TSEN2: variants seen among roughly 807,000 people sequenced by gnomAD.
TSEN2 encodes the protein tRNA splicing endonuclease subunit 2.
TSEN2 carries 54 observed loss-of-function variants against 59.2 expected under a neutral mutation model. The ratio of observed to expected loss-of-function variants is 0.91; its 90% CI spans 0.73 to 1.14. The LOEUF is 1.14. Among genes scored for constraint, TSEN2 ranks in the 50% most tolerant of loss-of-function variants. The probability of loss-of-function intolerance (pLI) is 0.00; values close to 1 mark genes in which losing one functional copy is unlikely to be tolerated. For missense variants in TSEN2, 636 were observed against 576.2 expected (o/e 1.10, Z -1.06); for synonymous variants, 195 against 198.2 (o/e 0.98, Z 0.14).
At chr3:12,484,272 C>A (rs1391913368), upstream of TSEN2, among the ~76,000 whole-genome samples, 1 of 152,258 alleles carries the variant, frequency 6.6e-6, no homozygotes, top group East Asian at 1.9e-4. Context: ...ATCGTTCTGG[C>A]TTCCGTACAA....
At chr3:12,491,689 AG>A (rs2053226615) in intron 2 of TSEN2, among the ~76,000 whole-genome samples, 2 of 152,328 alleles carry the variant, frequency 1.3e-5, no homozygotes, top group African/African-American at 4.8e-5. Flanking sequence ...AGATAATCAG[AG>A]GGAAAATGTA....
At chr3:12,512,364 C>A (rs566067706) in intron 6 of TSEN2, among the ~76,000 whole-genome samples, 1 of 152,308 alleles carries the variant, frequency 6.6e-6, no homozygotes, top group East Asian at 1.9e-4. Context: ...AAAAACACTT[C>A]TTGGAAATTG....
upstream of TSEN2, among the ~76,000 whole-genome samples, chr3:12,483,996 G>A (rs1042770155): frequency 6.6e-6 from 1 of 152,226 alleles, no homozygotes; most frequent in Admixed American, 6.5e-5. Flanking sequence ...TGGGCACACA[G>A]AGGCTTCTGG....
At chr3:12,519,663 G>A (rs112173499) in intron 8 of TSEN2, among the ~76,000 whole-genome samples, 5 of 151,998 alleles carry the variant, frequency 3.3e-5, no homozygotes, top group South Asian at 2.1e-4. Flanking sequence ...GGAGAATGGC[G>A]TGAACCCGGG....
Position 12,516,499 on chromosome 3 carries a change from T to C in TSEN2, c.910-112T>C, listed in dbSNP as rs185100861. 76 of 841,840 alleles carry C rather than the reference T, an allele frequency of 9.0e-5. No individual in the cohort carries two copies. In the East Asian group the frequency reaches 2.0e-3, roughly 22 times the overall value. 52.1% of individuals were successfully genotyped at this position (841,840 alleles called of 1,614,324 possible). On this transcript the variant is annotated intron_variant, in intron 6 of 11. Coordinates refer to ENST00000284995, the MANE Select transcript of TSEN2 (RefSeq NM_025265.4). ...GTGTGTGTGTGTGTGACCTTTTTGA[T>C]GATGACTTAAGAGCATTTGTATTTG...
rs527637256 is a variant in TSEN2, at chr3:12,516,191, G to A, written c.910-420G>A. ...TGTAATCCCAGCACTTTGGGAGGCC[G>A]AGGCAGGTGGATCATGAGGTCAGGA... On this transcript the variant is annotated intron_variant, in intron 6 of 11. Transcript: ENST00000284995. 7.2e-5 allele frequency among the ~76,000 whole-genome samples: 11 copies of A among 152,248 alleles called. No individual in the cohort carries two copies. In the South Asian group the frequency reaches 1.0e-3, roughly 14 times the overall value.
At chr3:12,534,591 A>G (rs1271547892), downstream of TSEN2, among the ~76,000 whole-genome samples, 1 of 152,054 alleles carries the variant, frequency 6.6e-6, no homozygotes, top group Non-Finnish European at 1.5e-5. Context: ...TCACGAGGTC[A>G]GGAGATCAAG....
chr3:12,523,293 A>G (rs909728809), intron 8 of TSEN2, among the ~76,000 whole-genome samples: 1 of 152,110 alleles, frequency 6.6e-6, no homozygotes, highest in East Asian at 1.9e-4. Context: ...TTGACTGATA[A>G]GTATGATTTC....
intron 4 of TSEN2, among the ~76,000 whole-genome samples, chr3:12,498,201 G>T (rs1457578642): frequency 2.6e-5 from 4 of 151,956 alleles, no homozygotes; most frequent in Non-Finnish European, 5.9e-5. Flanking sequence ...GATTCCATCT[G>T]CAAAGACCCT....
chr3:12,530,709 A>G (rs947169408), intron 10 of TSEN2: 4 of 985,324 alleles, frequency 4.1e-6, no homozygotes, highest in South Asian at 4.7e-5. Flanking sequence ...TAGGGAGCCT[A>G]TACTGTTTCT....
chr3:12,485,389 G>A lies in TSEN2; in HGVS notation c.-18+509G>A, dbSNP rs2052505236. Among the ~76,000 whole-genome samples, 3 of 96,028 alleles carry A rather than the reference G, an allele frequency of 3.1e-5. No homozygotes were observed. In the Admixed American group the frequency reaches 3.7e-4, roughly 12 times the overall value. The allele number at this position is 96,028 out of a possible 152,430, so 63.0% of individuals were successfully genotyped here. A position where few individuals can be genotyped will look rare whatever the true frequency, so the allele number is the denominator to read the frequency against. On this transcript the variant is annotated intron_variant, in intron 1 of 11. Transcript: ENST00000284995. ...TGCTTTTAATAGAAAGTAAGAATATGCAGCTCTGGAGTCAGGTTGCGCAGG... is the reference window on the plus strand; with the variant it reads ...TGCTTTTAATAGAAAGTAAGAATATACAGCTCTGGAGTCAGGTTGCGCAGG...
chr3:12,525,107 G>A (rs915240277), intron 8 of TSEN2, among the ~76,000 whole-genome samples: 7 of 151,808 alleles, frequency 4.6e-5, no homozygotes, highest in African/African-American at 7.3e-5. Context: ...GACTTTTTTC[G>A]AAGTCTTTTA....
downstream of TSEN2, among the ~76,000 whole-genome samples, chr3:12,535,535 C>G (rs575778922): frequency 6.6e-6 from 1 of 152,088 alleles, no homozygotes; most frequent in East Asian, 1.9e-4. Context: ...TTCTTTCTAA[C>G]GTTGTGTGTG....
rs1234829838 is a variant in TSEN2 at position 12,503,744 on chromosome 3, A to C, written c.791A>C (p.Glu264Ala). Reference protein sequence around the residue: ...DHEYVLVEEAECAMSEREAAP... With the variant: ...DHEYVLVEEAACAMSEREAAP... Reference sequence around the variant, plus strand: ...GAGTACGTGCTGGTCGAGGAAGCGGAGTGTGCCATGAGCGAGAGGGAGGCT... The same window carrying C: ...GAGTACGTGCTGGTCGAGGAAGCGGCGTGTGCCATGAGCGAGAGGGAGGCT... Residue 264 changes from glutamate to alanine, a missense_variant, in exon 5 of 12, where the codon GAG becomes GCG. Physicochemically the swap from Glu to Ala is moderately radical, Grantham distance 107. Coordinates refer to ENST00000284995, the MANE Select transcript of TSEN2 (RefSeq NM_025265.4). The C allele has an allele frequency of 3.7e-6, 6 of 1,614,004 alleles. No homozygotes were observed. In the Admixed American group the frequency reaches 1.0e-4, roughly 27 times the overall value.
At chr3:12,488,320 T>G (rs2052845609) in intron 1 of TSEN2, among the ~76,000 whole-genome samples, 1 of 152,228 alleles carries the variant, frequency 6.6e-6, no homozygotes, top group Non-Finnish European at 1.5e-5. Flanking sequence ...GTGTATGATT[T>G]GGCCGCACTG....
At chr3:12,507,956 G>C (rs1014610254) in intron 6 of TSEN2, among the ~76,000 whole-genome samples, 8 of 152,160 alleles carry the variant, frequency 5.3e-5, no homozygotes, top group African/African-American at 1.9e-4. Context: ...GGTAGTAAAG[G>C]CTCTTCCAGA....
In TSEN2 at chr3:12,528,552, G is replaced by A. The variant is rs890378301; in HGVS notation, c.1100-336G>A. Among the ~76,000 whole-genome samples, 7 of 152,112 alleles carry A rather than the reference G, an allele frequency of 4.6e-5. No individual in the cohort carries two copies. In the South Asian group the frequency reaches 6.2e-4, roughly 14 times the overall value. The stretch of plus-strand genomic sequence containing the variant: ...CTGGGCAACATAGTGGGATGCTGTT[G>A]CTAAAAAAAAATTTTAAATTAGCTG... On this transcript the variant is annotated intron_variant, in intron 8 of 11. Coordinates refer to ENST00000284995, the MANE Select transcript of TSEN2 (RefSeq NM_025265.4).
intron 11 of TSEN2, 77 bp from the exon 12 acceptor site, chr3:12,532,585 C>A: frequency 2.1e-6 from 3 of 1,404,906 alleles, no homozygotes; most frequent in Non-Finnish European, 2.0e-6. Context: ...TGAAATGTAG[C>A]TGTGGTGTCA....
At chr3:12,489,740 T>G in intron 1 of TSEN2, 44 bp from the exon 2 acceptor site, 1 of 1,553,610 alleles carries the variant, frequency 6.4e-7, no homozygotes. Flanking sequence ...TCAAGGTAGT[T>G]ATTGATTGTC....
Sources: allele counts gnomAD v4.1 joint callset (sites outside exome capture counted in the v4.1 genomes callset), GRCh38; gene constraint gnomAD v4.1.1; transcripts MANE v1.5; gene names NCBI Gene and HGNC (gene_info 2026-07-23, HGNC 2026-07-21).